Variants in ZNF831 observed in about 807,000 individuals in gnomAD.
ZNF831 encodes zinc finger protein 831.
A neutral mutation model predicts 95.8 loss-of-function variants in ZNF831; 59 were observed. The observed-to-expected ratio is 0.62, with a 90% CI of 0.50 to 0.77. ZNF831 has a LOEUF of 0.77. Ranked by LOEUF, ZNF831 falls within the 30% of genes least tolerant of loss-of-function variation. The pLI, the probability that ZNF831 is intolerant of heterozygous loss-of-function variation, is 0.00. For synonymous variants in ZNF831, 961 were observed against 925.5 expected (o/e 1.04, Z -0.70); for missense variants, 2,205 against 2,164.0 (o/e 1.02, Z -0.38).
At chr20:59,157,378 G>A (rs1349329180) in intron 2 of ZNF831, among the ~76,000 whole-genome samples, 2 of 152,194 alleles carry the variant, frequency 1.3e-5, no homozygotes, top group Non-Finnish European at 2.9e-5. Context: ...AATGAGGCTA[G>A]GCTCACTCTT....
At chr20:59,186,515 G>A (rs1467070348) in intron 1 of ZNF831, among the ~76,000 whole-genome samples, 3 of 152,308 alleles carry the variant, frequency 2.0e-5, no homozygotes, top group Middle Eastern at 3.4e-3. Context: ...CCTCCTGGTG[G>A]CTCTGCCCCA....
intron 1 of ZNF831, among the ~76,000 whole-genome samples, chr20:59,137,392 G>A (rs189241865): frequency 6.6e-6 from 1 of 151,822 alleles, no homozygotes; most frequent in African/African-American, 2.4e-5. Flanking sequence ...ATGATGTCAG[G>A]TTGGAGAACA....
chr20:59,192,345 G>A lies in ZNF831; in HGVS notation c.1326G>A (p.Leu442=), dbSNP rs1219440549. 6.2e-7 allele frequency: 1 copy of A among 1,609,062 alleles called. No homozygotes were observed. Among genetic ancestry groups the A allele is most frequent in the Admixed American group, 1.7e-5 (1 of 59,576 alleles). ...TGTCCAAACAGGGCAGCATCGACCT[G>A]CCCACGCCCTACACCTACAAGGACT... ...TGLSKQGSID[L]PTPYTYKDSF... is the part of the protein sequence containing the mutation. The change falls in exon 2 of 6, where the codon CTG becomes CTA. Residue 442 remains leucine, a synonymous_variant. Transcript: ENST00000371030. This position sits in a 1 kb window ranked among gnomAD's most constrained non-coding sequence, Gnocchi z 5.2.
rs1163176503 is a variant in ZNF831, at chr20:59,256,721, C to G, written c.*1978C>G. The G allele has an allele frequency of 6.6e-6, 1 of 152,196 alleles. No individual in the cohort carries two copies. Among genetic ancestry groups the G allele is most frequent in the Non-Finnish European group, 1.5e-5 (1 of 68,044 alleles). 9.4% of individuals were successfully genotyped at this position (152,196 alleles called of 1,614,324 possible). On this transcript the variant is annotated 3_prime_UTR_variant, in exon 6 of 6. Coordinates refer to ENST00000371030, the MANE Select transcript of ZNF831 (RefSeq NM_178457.3). Reference sequence around the variant, plus strand: ...CATGGGGAACCATTGCCACGGAGGCCTTGCATGCAAGAAGTTTGGGTGGGG... The same window carrying G: ...CATGGGGAACCATTGCCACGGAGGCGTTGCATGCAAGAAGTTTGGGTGGGG...
chr20:59,156,029 G>T (rs758772938), intron 2 of ZNF831, among the ~76,000 whole-genome samples: 4 of 152,172 alleles, frequency 2.6e-5, no homozygotes, highest in Non-Finnish European at 5.9e-5. Flanking sequence ...CTCAACCGAA[G>T]ACTGAAATTC....
intron 4 of ZNF831, among the ~76,000 whole-genome samples, chr20:59,218,101 T>C (rs552190644): frequency 6.6e-6 from 1 of 152,306 alleles, no homozygotes; most frequent in East Asian, 1.9e-4. Context: ...GAGCAAATAG[T>C]AATATGTGAG....
chr20:59,178,797 G>A (rs1285533788), intron 1 of ZNF831, among the ~76,000 whole-genome samples: 1 of 152,158 alleles, frequency 6.6e-6, no homozygotes, highest in African/African-American at 2.4e-5. Context: ...GATGCCATGG[G>A]GGAGGTGTCA....
intron 2 of ZNF831, among the ~76,000 whole-genome samples, chr20:59,195,314 GGGTTC>G (rs1984004200): frequency 6.6e-6 from 1 of 152,200 alleles, no homozygotes; most frequent in Non-Finnish European, 1.5e-5. Flanking sequence ...CCTTGAGAGG[GGGTTC>G]ACGCACCTGG....
chr20:59,217,253 A>T lies in ZNF831; in HGVS notation c.4027+10197A>T, dbSNP rs1235774755. Among the ~76,000 whole-genome samples, 2 of 151,944 alleles carry T rather than the reference A, an allele frequency of 1.3e-5. No homozygotes were observed. Among genetic ancestry groups the T allele is most frequent in the Non-Finnish European group, 2.9e-5 (2 of 68,028 alleles). On this transcript the variant is annotated intron_variant, in intron 4 of 5. Transcript: ENST00000371030. This position sits in a 1 kb window ranked among gnomAD's most constrained non-coding sequence, Gnocchi z 4.4. ...CACAACTTGCTCTTTTTACTCAAAA[A>T]TGTTTTGTGGTTCCACACTGTGAAA...
rs377193901 is a variant in ZNF831 at position 59,193,183 on chromosome 20, C to A, written c.2164C>A (p.Arg722=). Residue 722 remains arginine, a synonymous_variant, in exon 2 of 6, where the codon CGA becomes AGA. Coordinates refer to ENST00000371030, the MANE Select transcript of ZNF831 (RefSeq NM_178457.3). ...GGTGGCCAGGAGAGGAGACAGTGAC[C>A]GACCCAGGGTGGAAGAGGCTGTGTC... ...ETVARRGDSD[R]PRVEEAVSSP... 6.3e-7 allele frequency: 1 copy of A among 1,576,596 alleles called. No homozygotes were observed. The highest frequency in any genetic ancestry group is 8.6e-7 in the Non-Finnish European group (1 of 1,160,804).
At chr20:59,243,331 CT>C (rs1217291950) in intron 4 of ZNF831, among the ~76,000 whole-genome samples, 1 of 152,172 alleles carries the variant, frequency 6.6e-6, no homozygotes, top group African/African-American at 2.4e-5. Flanking sequence ...CAGACAGGTA[CT>C]TTTAGAGGTA....
At chr20:59,232,807 T>A (rs572744645) in intron 4 of ZNF831, among the ~76,000 whole-genome samples, 30 of 151,984 alleles carry the variant, frequency 2.0e-4, no homozygotes, top group Non-Finnish European at 3.7e-4. Context: ...CACAGATGAG[T>A]GAATCAGATA....
Position 59,130,729 on chromosome 20 carries a change from G to C in ZNF831, c.-1425+7224G>C, listed in dbSNP as rs553640739. Among the ~76,000 whole-genome samples the C allele has an allele frequency of 5.9e-5, 9 of 152,252 alleles. No individual in the cohort carries two copies. The East Asian group carries it at 9.6e-4, about 16-fold the overall frequency. On this transcript the variant is annotated intron_variant, in intron 1 of 7. Coordinates refer to the ZNF831 transcript ENST00000637017. The stretch of plus-strand genomic sequence containing the variant: ...ATGCCCCAAACTCACCCTGGGTATG[G>C]ACACATCTGTGCCTTTGGTGTTTAA...
At chr20:59,132,249 A>T (rs1601289504) in intron 1 of ZNF831, among the ~76,000 whole-genome samples, 1 of 151,402 alleles carries the variant, frequency 6.6e-6, no homozygotes, top group Admixed American at 6.6e-5. Flanking sequence ...GATGTCCCAT[A>T]ATTTAGTTGC....
At chr20:59,145,160 G>A (rs1262514652) in intron 1 of ZNF831, among the ~76,000 whole-genome samples, 1 of 152,164 alleles carries the variant, frequency 6.6e-6, no homozygotes, top group East Asian at 1.9e-4. Flanking sequence ...ATTCCCAGCT[G>A]ATAGTGTCCT....
chr20:59,165,661 A>G (rs1981196766), intron 1 of ZNF831, among the ~76,000 whole-genome samples: 1 of 152,192 alleles, frequency 6.6e-6, no homozygotes, highest in African/African-American at 2.4e-5. Context: ...TTTGGGGCAT[A>G]GGTAGGAAGC....
At chr20:59,130,875 C>T (rs543879015) in intron 1 of ZNF831, among the ~76,000 whole-genome samples, 2 of 152,242 alleles carry the variant, frequency 1.3e-5, no homozygotes, top group African/African-American at 4.8e-5. Flanking sequence ...ACACTTTCTG[C>T]CAGTGGGACT....
At chr20:59,233,055 G>GAGAC (rs1298502206) in intron 4 of ZNF831, among the ~76,000 whole-genome samples, 3 of 150,636 alleles carry the variant, frequency 2.0e-5, no homozygotes, top group South Asian at 2.1e-4. Context: ...TAGAGAGAGA[G>GAGAC]AGACAGACAG....
At position 59,193,011 on chromosome 20, in the gene ZNF831, A is replaced by G. The variant is rs2146575671; in HGVS notation, c.1992A>G (p.Ala664=). 1 of 1,574,612 alleles carries G rather than the reference A, an allele frequency of 6.4e-7. No individual in the cohort carries two copies. Among genetic ancestry groups the G allele is most frequent in the South Asian group, 1.2e-5 (1 of 82,714 alleles). ...TGGGCTTTCCTCTGCAGAAAGAGGC[A>G]GCAGGGAGCTCAGGCACAGTCCCCA... ...AELGFPLQKE[A]AGSSGTVPTQ... Residue 664 remains alanine (A), a synonymous_variant, in exon 2 of 6, where the codon GCA becomes GCG. Transcript: ENST00000371030.
Sources: allele counts gnomAD v4.1 joint callset (sites outside exome capture counted in the v4.1 genomes callset), GRCh38; gene constraint gnomAD v4.1.1; non-coding constraint Gnocchi (gnomAD v3.1); transcripts MANE v1.5; gene names NCBI Gene and HGNC (gene_info 2026-07-23, HGNC 2026-07-21).